Variants in PAPPA observed in about 807,000 individuals in gnomAD.
PAPPA encodes the protein pappalysin 1.
A neutral mutation model predicts 164.0 loss-of-function variants in PAPPA; 60 were observed. The observed-to-expected ratio is 0.37, with a 90% CI of 0.30 to 0.45. The LOEUF (loss-of-function observed/expected upper bound fraction) is 0.45. PAPPA is among the 20% of genes least tolerant of loss of function. The pLI is 1.00. For missense variants in PAPPA, 1,782 were observed against 2,087.3 expected, an observed-to-expected ratio of 0.85 and a Z score of 2.85; for synonymous variants, 875 against 814.1, an observed-to-expected ratio of 1.07 and a Z score of -1.27.
At chr9:116,221,411 T>C (rs1304220671) in intron 5 of PAPPA, among the ~76,000 whole-genome samples, 1 of 152,234 alleles carries the variant, frequency 6.6e-6, no homozygotes, top group Non-Finnish European at 1.5e-5. Flanking sequence ...TAGTTAATAT[T>C]ACTTTATTGT....
intron 7 of PAPPA, among the ~76,000 whole-genome samples, chr9:116,260,304 A>T (rs1205598987): frequency 6.6e-6 from 1 of 152,234 alleles, no homozygotes; most frequent in Admixed American, 6.5e-5. Flanking sequence ...AATTTGTTAT[A>T]GTATAGTCTG....
chr9:116,216,530 T>C (rs900937941), intron 4 of PAPPA, among the ~76,000 whole-genome samples: 1 of 152,162 alleles, frequency 6.6e-6, no homozygotes, highest in Non-Finnish European at 1.5e-5. Context: ...CAAGATGAGC[T>C]GGCCACTCCT....
At chr9:116,241,365 G>A (rs1372681149) in intron 7 of PAPPA, among the ~76,000 whole-genome samples, 2 of 152,198 alleles carry the variant, frequency 1.3e-5, no homozygotes, top group Non-Finnish European at 2.9e-5. Flanking sequence ...AAAAGATTTA[G>A]TGATTTTTAG....
intron 1 of PAPPA, among the ~76,000 whole-genome samples, chr9:116,171,494 C>A (rs1293579648): frequency 1.4e-5 from 2 of 138,920 alleles, no homozygotes; most frequent in Non-Finnish European, 3.1e-5. Context: ...CCACTTTCAA[C>A]CCCCCCACCA....
At chr9:116,184,822 A>G (rs1352227846) in intron 1 of PAPPA, among the ~76,000 whole-genome samples, 8 of 152,114 alleles carry the variant, frequency 5.3e-5, no homozygotes, top group Non-Finnish European at 1.0e-4. Flanking sequence ...TGTCCTTAAA[A>G]TCCCTACCCT....
At chr9:116,211,253 A>C (rs1844303091) in intron 3 of PAPPA, among the ~76,000 whole-genome samples, 1 of 152,216 alleles carries the variant, frequency 6.6e-6, no homozygotes, top group Admixed American at 6.5e-5. Context: ...AATATGTAGA[A>C]TATTTGGAAA....
chr9:116,344,684 G>A lies in PAPPA; in HGVS notation c.3753G>A (p.Arg1251=). The A allele has an allele frequency of 6.2e-7, 1 of 1,614,086 alleles. No individual in the cohort carries two copies. The highest frequency in any genetic ancestry group is 1.7e-5 in the Admixed American group (1 of 60,026). ...GGACAGGCTACGTGCTCCAGATACG[G>A]CGGGATGATGAGCTGATCAAGAGCC... The part of the protein sequence containing the change: ...SCRTGYVLQI[R]RDDELIKSQT... Residue 1251 remains arginine, a synonymous_variant, in exon 14 of 22, where the codon CGG becomes CGA. Coordinates refer to ENST00000328252, the MANE Select transcript of PAPPA (RefSeq NM_002581.5).
intron 2 of PAPPA, among the ~76,000 whole-genome samples, chr9:116,189,915 C>T (rs1303447620): frequency 6.6e-6 from 1 of 152,224 alleles, no homozygotes; most frequent in African/African-American, 2.4e-5. Context: ...AGTCAGAAAG[C>T]ACCTCAGCTC....
chr9:116,181,796 A>G (rs1350862543), intron 1 of PAPPA, among the ~76,000 whole-genome samples: 1 of 152,242 alleles, frequency 6.6e-6, no homozygotes, highest in Non-Finnish European at 1.5e-5. Context: ...CTATGCCTGG[A>G]CAAACTTTGG....
Position 116,398,498 on chromosome 9 carries a change from AG to A in PAPPA, c.*1883del. The A allele has an allele frequency of 9.2e-7, 1 of 1,083,942 alleles. No individual in the cohort carries two copies. The highest frequency in any genetic ancestry group is 1.5e-5 in the South Asian group (1 of 66,478). The allele number at this position is 1,083,942 out of a possible 1,614,324, so 67.1% of individuals were successfully genotyped here. On this transcript the variant is annotated 3_prime_UTR_variant, in exon 22 of 22. Transcript: ENST00000328252. ...AGCACTTAAAAAAAAAAAAAAAAAG[AG>A]ACCAAAAATAACTTTAGGAACCACC...
rs1451161164 is a variant in PAPPA at position 116,331,339 on chromosome 9, G to T, written c.3243G>T (p.Gln1081His). The T allele has an allele frequency of 6.2e-7, 1 of 1,612,836 alleles. No homozygotes were observed. The highest frequency in any genetic ancestry group is 1.7e-5 in the Admixed American group (1 of 60,030). ...TISYPYSQLA[Q>H]TTFWLRAYFS... ...GCTACCCATATTCCCAGCTGGCTCA[G>T]ACCACTTTTTGGCTCCGGGTAAGCT... The change falls in exon 11 of 22, where the codon CAG becomes CAT. Residue 1081 changes from glutamine to histidine, a missense_variant. By Grantham distance (24) the Gln-to-His change is conservative. Transcript: ENST00000328252.
intron 1 of PAPPA, among the ~76,000 whole-genome samples, chr9:116,181,263 A>G (rs1449480397): frequency 6.6e-6 from 1 of 152,200 alleles, no homozygotes; most frequent in Admixed American, 6.5e-5. Flanking sequence ...TTATTTTCTT[A>G]AAATTCTGGA....
intron 3 of PAPPA, among the ~76,000 whole-genome samples, chr9:116,209,963 T>C (rs930838107): frequency 2.0e-5 from 3 of 152,176 alleles, no homozygotes; most frequent in African/African-American, 7.2e-5. Flanking sequence ...ATGCTGCTCA[T>C]GAGTAATTCC....
At chr9:116,298,872 A>C (rs1470886035) in intron 9 of PAPPA, among the ~76,000 whole-genome samples, 1 of 152,212 alleles carries the variant, frequency 6.6e-6, no homozygotes, top group Non-Finnish European at 1.5e-5. Context: ...TATTGACTTC[A>C]GACTCTTTTC....
chr9:116,386,317 C>G (rs956011513), intron 21 of PAPPA, among the ~76,000 whole-genome samples: 1 of 152,180 alleles, frequency 6.6e-6, no homozygotes, highest in Non-Finnish European at 1.5e-5. Context: ...CTTTTCTCCT[C>G]TTTCTTGGAC....
chr9:116,332,616 C>T (rs780247438), intron 12 of PAPPA, 148 bp downstream of exon 12: 3 of 701,216 alleles, frequency 4.3e-6, no homozygotes, highest in African/African-American at 1.8e-5. Context: ...TGGTTGCCCT[C>T]AAATCAAGAT....
rs947657814 is a variant in PAPPA at position 116,154,818 on chromosome 9, G to A, written c.415+231G>A. 6.6e-6 allele frequency among the ~76,000 whole-genome samples: 1 copy of A among 152,196 alleles called. No individual in the cohort carries two copies. Among genetic ancestry groups the A allele is most frequent in the South Asian group, 2.1e-4 (1 of 4,836 alleles). On this transcript the variant is annotated intron_variant, in intron 1 of 21. Coordinates refer to ENST00000328252, the MANE Select transcript of PAPPA (RefSeq NM_002581.5). This position sits in a 1 kb window ranked among gnomAD's most constrained non-coding sequence, Gnocchi z 5.2. Reference sequence around the variant, plus strand: ...GCTCCATCCCTGGGAGGAACCTGGGGAGCCCTCCTGGCGGCCCCGCGGACC... The same window carrying A: ...GCTCCATCCCTGGGAGGAACCTGGGAAGCCCTCCTGGCGGCCCCGCGGACC...
chr9:116,231,743 G>T (rs1844597552), intron 6 of PAPPA, among the ~76,000 whole-genome samples: 1 of 109,138 alleles, frequency 9.2e-6, no homozygotes. Context: ...TCTAAACAGT[G>T]GTTTTTCTTT....
intron 11 of PAPPA, 147 bp from the exon 12 acceptor site, chr9:116,332,186 T>C (rs1319811304): frequency 1.8e-6 from 1 of 562,992 alleles, no homozygotes; most frequent in African/African-American, 1.9e-5. Context: ...TAGGTTTCAT[T>C]GCCTCCTCCT....
Sources: gnomAD v4.1 joint callset for allele counts (sites outside exome capture counted in the v4.1 genomes callset) on GRCh38, gnomAD v4.1.1 for gene constraint, Gnocchi (gnomAD v3.1) non-coding constraint, MANE v1.5 for transcripts, NCBI Gene and HGNC (gene_info 2026-07-23, HGNC 2026-07-21) for gene names.